STOX2: variants seen among roughly 807,000 people sequenced by gnomAD.
STOX2 encodes storkhead-box protein 2.
A neutral mutation model predicts 60.9 loss-of-function variants in STOX2; 28 were observed. That is an observed-to-expected ratio of 0.46 (90% CI 0.34 to 0.63). The LOEUF (loss-of-function observed/expected upper bound fraction) is 0.63. Ranked by LOEUF, STOX2 falls within the 30% of genes least tolerant of loss-of-function variation. STOX2 has a pLI of 0.01. For synonymous variants in STOX2, 472 were observed against 463.9 expected, an observed-to-expected ratio of 1.02 and a Z score of -0.22; for missense variants, 1,024 against 1,187.7, an observed-to-expected ratio of 0.86 and a Z score of 2.03.
intron 1 of STOX2, among the ~76,000 whole-genome samples, chr4:183,864,545 C>G (rs1740522332): frequency 6.6e-6 from 1 of 152,080 alleles, no homozygotes; most frequent in Non-Finnish European, 1.5e-5. Flanking sequence ...AGGCGCCCAC[C>G]ACCATGCCTG....
intron 1 of STOX2, among the ~76,000 whole-genome samples, chr4:183,935,363 C>T (rs1337067535): frequency 6.6e-6 from 1 of 152,210 alleles, no homozygotes; most frequent in Non-Finnish European, 1.5e-5. Flanking sequence ...TGAAAAAAAA[C>T]AACTGGAAGA....
At chr4:183,957,625 G>A (rs558686115) in intron 1 of STOX2, among the ~76,000 whole-genome samples, 46 of 152,112 alleles carry the variant, frequency 3.0e-4, no homozygotes, top group Non-Finnish European at 5.6e-4. Context: ...ACTGGTTCCC[G>A]ATTTGACCAC....
chr4:183,879,271 A>G (rs540571000), intron 1 of STOX2, among the ~76,000 whole-genome samples: 3 of 152,202 alleles, frequency 2.0e-5, no homozygotes, highest in Non-Finnish European at 2.9e-5. Flanking sequence ...CTTCACCTCC[A>G]TGAGCCCTAC....
chr4:183,861,300 C>G (rs1192540366), intron 1 of STOX2, among the ~76,000 whole-genome samples: 1 of 51,136 alleles, frequency 2.0e-5, no homozygotes, highest in Non-Finnish European at 5.0e-5. Flanking sequence ...TGGACTGTCC[C>G]GTTACCTTGG....
chr4:183,893,402 G>C (rs971001613), intron 1 of STOX2, among the ~76,000 whole-genome samples: 1 of 152,084 alleles, frequency 6.6e-6, no homozygotes, highest in Non-Finnish European at 1.5e-5. Context: ...TTCCCTTTGC[G>C]GCCAGCATCT....
At position 183,825,046 on chromosome 4, in the gene STOX2, C is replaced by T. The variant is rs191080384; in HGVS notation, c.364+26991C>T. Among the ~76,000 whole-genome samples, 168 of 152,276 alleles carry T rather than the reference C, an allele frequency of 1.1e-3. No homozygotes were observed. The highest frequency in any genetic ancestry group is 2.2e-3 in the Admixed American group (33 of 15,304). On this transcript the variant is annotated intron_variant, in intron 1 of 2. Transcript: ENST00000513034. The surrounding 1 kb of genome is among the most constrained non-coding windows in gnomAD (Gnocchi z 4.1). ...CTCACACAATCTTGGGCTTGGGGATCGGGGAGGAACATGGTGGATAATCCC... is the reference window on the plus strand; with the variant it reads ...CTCACACAATCTTGGGCTTGGGGATTGGGGAGGAACATGGTGGATAATCCC...
At chr4:183,850,389 T>C (rs1740088037) in intron 1 of STOX2, among the ~76,000 whole-genome samples, 1 of 152,228 alleles carries the variant, frequency 6.6e-6, no homozygotes, top group Non-Finnish European at 1.5e-5. Context: ...TTATTCTTTA[T>C]GATTTTCATT....
intron 1 of STOX2, among the ~76,000 whole-genome samples, chr4:183,987,430 G>A (rs889497048): frequency 6.6e-6 from 1 of 152,094 alleles, no homozygotes; most frequent in Non-Finnish European, 1.5e-5. Flanking sequence ...CGTGGCACCC[G>A]TAGTGCAATG....
intron 1 of STOX2, among the ~76,000 whole-genome samples, chr4:183,874,179 A>G (rs888954810): frequency 6.6e-6 from 1 of 152,204 alleles, no homozygotes; most frequent in Non-Finnish European, 1.5e-5. Flanking sequence ...TTGGAGAAAA[A>G]AAAATGTCAC....
intron 1 of STOX2, among the ~76,000 whole-genome samples, chr4:183,822,457 A>C (rs1739323414): frequency 1.3e-5 from 2 of 152,194 alleles, no homozygotes; most frequent in South Asian, 4.1e-4. Flanking sequence ...CATCATGTAG[A>C]ATCAGTGGGA....
chr4:183,930,007 G>A (rs1278643340), intron 1 of STOX2, among the ~76,000 whole-genome samples: 1 of 151,486 alleles, frequency 6.6e-6, no homozygotes, highest in African/African-American at 2.4e-5. Flanking sequence ...GGGACTATGG[G>A]CGCCCCTCAC....
At chr4:183,827,238 C>G (rs769993805) in intron 1 of STOX2, among the ~76,000 whole-genome samples, 1 of 152,214 alleles carries the variant, frequency 6.6e-6, no homozygotes, top group Non-Finnish European at 1.5e-5. Context: ...TGGCTCACAT[C>G]TGTAATCCTA....
chr4:183,848,884 T>C (rs574975630), intron 1 of STOX2, among the ~76,000 whole-genome samples: 2 of 152,298 alleles, frequency 1.3e-5, no homozygotes, highest in Admixed American at 6.5e-5. Context: ...GAAGTCCATG[T>C]TGGGGCCCAG....
At chr4:183,887,387 G>A (rs1416312386) in intron 1 of STOX2, among the ~76,000 whole-genome samples, 1 of 152,226 alleles carries the variant, frequency 6.6e-6, no homozygotes, top group East Asian at 1.9e-4. Flanking sequence ...AGTATTTGGA[G>A]AGATTATAGT....
At chr4:183,877,195 C>G (rs902819739) in intron 1 of STOX2, among the ~76,000 whole-genome samples, 6 of 152,196 alleles carry the variant, frequency 3.9e-5, no homozygotes, top group Non-Finnish European at 7.3e-5. Context: ...GCTCTAAGTT[C>G]TGTGAGTCTC....
intron 1 of STOX2, among the ~76,000 whole-genome samples, chr4:183,970,294 C>T (rs1045972562): frequency 6.6e-6 from 1 of 152,024 alleles, no homozygotes; most frequent in African/African-American, 2.4e-5. Context: ...GTATCATTGA[C>T]ATCTGTGGTA....
At chr4:183,829,735 C>G (rs534268245) in intron 1 of STOX2, among the ~76,000 whole-genome samples, 6 of 152,154 alleles carry the variant, frequency 3.9e-5, no homozygotes, top group Non-Finnish European at 5.9e-5. Flanking sequence ...GCTCGACTTG[C>G]GGTTTCTGTT....
At chr4:183,863,625 C>T (rs1007250064) in intron 1 of STOX2, among the ~76,000 whole-genome samples, 3 of 152,078 alleles carry the variant, frequency 2.0e-5, no homozygotes, top group East Asian at 1.9e-4. Context: ...GCTTGTTCTT[C>T]GGGACTCTAG....
chr4:183,883,797 C>T (rs1032406033), intron 1 of STOX2, among the ~76,000 whole-genome samples: 3 of 151,908 alleles, frequency 2.0e-5, no homozygotes, highest in Non-Finnish European at 2.9e-5. Flanking sequence ...GAAGAATTTG[C>T]TAGATAGTCG....
Sources: gnomAD v4.1 joint callset for allele counts (sites outside exome capture counted in the v4.1 genomes callset) on GRCh38, gnomAD v4.1.1 for gene constraint, Gnocchi (gnomAD v3.1) non-coding constraint, MANE v1.5 for transcripts, NCBI Gene and HGNC (gene_info 2026-07-23, HGNC 2026-07-21) for gene names.